VPS13A: variants seen among roughly 807,000 people sequenced by gnomAD.
VPS13A encodes intermembrane lipid transfer protein VPS13A.
In VPS13A, 264 loss-of-function variants were observed where a neutral mutation model predicts 390.9. The ratio of observed to expected loss-of-function variants is 0.68; its 90% confidence interval spans 0.61 to 0.75. VPS13A has a LOEUF of 0.75. Among genes scored for constraint, VPS13A ranks in the 30% least tolerant of loss-of-function variants. The pLI is 0.00. For missense variants in VPS13A, 3,409 were observed against 3,733.9 expected, an observed-to-expected ratio of 0.91 and a Z score of 2.27; for synonymous variants, 1,231 against 1,227.1, an observed-to-expected ratio of 1.00 and a Z score of -0.07.
Position 77,295,534 on chromosome 9 carries a change from T to C in VPS13A, c.3508-8T>C, listed in dbSNP as rs376751858. On this transcript the variant is annotated splice_polypyrimidine_tract_variant and splice_region_variant and intron_variant, in intron 32 of 71. Transcript: ENST00000360280. The stretch of plus-strand genomic sequence containing the variant: ...TAACCTTAAGAATATAATTCTGTTA[T>C]CTTACAGGCTTTTATAGATAATTTT... 97 of 1,594,692 alleles carry C rather than the reference T, an allele frequency of 6.1e-5. No homozygotes were observed. The African/African-American group carries it at 1.1e-3, about 19-fold the overall frequency.
At chr9:77,186,192 A>G (rs1229249363) in intron 1 of VPS13A, among the ~76,000 whole-genome samples, 1 of 152,210 alleles carries the variant, frequency 6.6e-6, no homozygotes, top group Non-Finnish European at 1.5e-5. Flanking sequence ...ACTCTATCTT[A>G]CAATACAGTA....
intron 23 of VPS13A, among the ~76,000 whole-genome samples, chr9:77,260,761 C>T (rs1288647561): frequency 6.6e-6 from 1 of 152,080 alleles, no homozygotes; most frequent in Admixed American, 6.5e-5. Flanking sequence ...CCTCCAATCC[C>T]TCTCCTGAGC....
Position 77,177,561 on chromosome 9 carries a change from G to A in VPS13A, c.-144G>A, listed in dbSNP as rs1371305289. ...CTCCGTCTCTCGCTGGGCTCGCTAGGGCTGCGCGTTGGGCCAGCGGGGGCG... is the reference window on the plus strand; with the variant it reads ...CTCCGTCTCTCGCTGGGCTCGCTAGAGCTGCGCGTTGGGCCAGCGGGGGCG... On this transcript the variant is annotated 5_prime_UTR_variant, in exon 1 of 72. Coordinates refer to ENST00000360280, the MANE Select transcript of VPS13A (RefSeq NM_033305.3). The A allele has an allele frequency of 2.7e-6, 2 of 732,472 alleles. No homozygotes were observed. Among genetic ancestry groups the A allele is most frequent in the Non-Finnish European group, 4.7e-6 (2 of 421,998 alleles). The allele number at this position is 732,472 out of a possible 1,614,324, so 45.4% of individuals were successfully genotyped here. A position where few individuals can be genotyped will look rare whatever the true frequency, so the allele number is the denominator to read the frequency against.
intron 68 of VPS13A, among the ~76,000 whole-genome samples, chr9:77,399,884 AT>A (rs1282773457): frequency 2.0e-5 from 3 of 152,158 alleles, no homozygotes; most frequent in Non-Finnish European, 4.4e-5. Context: ...ACATGTATGC[AT>A]TTCTACTTTT....
intron 50 of VPS13A, among the ~76,000 whole-genome samples, chr9:77,342,697 T>C (rs1254504771): frequency 2.0e-5 from 3 of 152,184 alleles, no homozygotes; most frequent in African/African-American, 7.2e-5. Flanking sequence ...CCCCAAGATA[T>C]CTCATCATAT....
At chr9:77,270,875 T>C (rs1826315559) in intron 23 of VPS13A, among the ~76,000 whole-genome samples, 1 of 152,184 alleles carries the variant, frequency 6.6e-6, no homozygotes, top group Non-Finnish European at 1.5e-5. Context: ...ACTTGAAGCA[T>C]AGACCTAAAT....
rs554283579 is a variant in VPS13A at position 77,318,293 on chromosome 9, A to C, written c.5015A>C (p.Lys1672Thr). ...ITITSALYTT[K>T]ETIPEETASS... ...ATAACTTCAGCACTGTATACAACTAAGGAAACCATCCCAGAAGAAACGGCT... is the reference window on the plus strand; with the variant it reads ...ATAACTTCAGCACTGTATACAACTACGGAAACCATCCCAGAAGAAACGGCT... Residue 1672 changes from lysine (K) to threonine (T), a missense_variant, in exon 41 of 72, where the codon AAG becomes ACG. Around this residue, in one of 5 missense-constraint regions of VPS13A, gnomAD observed 2,717 missense variants for 2,917.4 expected, o/e 0.93. Coordinates refer to ENST00000360280, the MANE Select transcript of VPS13A (RefSeq NM_033305.3). The C allele has an allele frequency of 1.9e-6, 3 of 1,609,700 alleles. No individual in the cohort carries two copies. Among genetic ancestry groups the C allele is most frequent in the South Asian group, 2.2e-5 (2 of 90,038 alleles).
chr9:77,296,822 G>A (rs1172189771), intron 33 of VPS13A, among the ~76,000 whole-genome samples: 1 of 152,050 alleles, frequency 6.6e-6, no homozygotes, highest in Admixed American at 6.6e-5. Context: ...TTAAATGATA[G>A]TTTTCATTTC....
In VPS13A at chr9:77,353,731, C is replaced by G. The variant is rs73449947; in HGVS notation, c.7652+90C>G. 2,092 of 1,272,094 alleles carry G rather than the reference C, an allele frequency of 1.6e-3. 27 individuals carry two copies. The African/African-American group carries it at 0.027, about 16-fold the overall frequency. 78.8% of individuals were successfully genotyped at this position (1,272,094 alleles called of 1,614,324 possible). A position where few individuals can be genotyped will look rare whatever the true frequency, so the allele number is the denominator to read the frequency against. On this transcript the variant is annotated intron_variant, in intron 54 of 71. Coordinates refer to ENST00000360280, the MANE Select transcript of VPS13A (RefSeq NM_033305.3). ...TGTAAAATCTCAAATGATTTAGTTT[C>G]AGTTTTGTGCTTTGACTATTCATTG... is the stretch of plus-strand genomic sequence containing the variant.
At chr9:77,292,757 T>C (rs537087622) in intron 31 of VPS13A, among the ~76,000 whole-genome samples, 1 of 152,258 alleles carries the variant, frequency 6.6e-6, no homozygotes, top group African/African-American at 2.4e-5. Context: ...ATTTTACATC[T>C]CCTGTTGTCG....
chr9:77,216,896 A>T (rs1183968010), intron 10 of VPS13A, among the ~76,000 whole-genome samples: 1 of 152,166 alleles, frequency 6.6e-6, no homozygotes, highest in Non-Finnish European at 1.5e-5. Context: ...CTCAGAGGCT[A>T]AGCCACTCTG....
intron 58 of VPS13A, among the ~76,000 whole-genome samples, chr9:77,360,164 T>C (rs1832059847): frequency 6.6e-6 from 1 of 152,182 alleles, no homozygotes; most frequent in African/African-American, 2.4e-5. Context: ...TTAATTTTTT[T>C]CTAATTTTTA....
At chr9:77,372,617 G>T (rs1832840422) in intron 67 of VPS13A, among the ~76,000 whole-genome samples, 1 of 152,144 alleles carries the variant, frequency 6.6e-6, no homozygotes, top group African/African-American at 2.4e-5. Flanking sequence ...TCAACATAGT[G>T]TCGGAAGTTC....
At chr9:77,358,803 A>G (rs983374324) in intron 57 of VPS13A, among the ~76,000 whole-genome samples, 9 of 152,164 alleles carry the variant, frequency 5.9e-5, no homozygotes, top group Admixed American at 1.3e-4. Flanking sequence ...TCCAAATAAG[A>G]ATAACGGACA....
chr9:77,365,926 AAGTT>A (rs1354551234), intron 60 of VPS13A, among the ~76,000 whole-genome samples: 2 of 152,132 alleles, frequency 1.3e-5, no homozygotes, highest in African/African-American at 2.4e-5. Context: ...TATCAAATCT[AAGTT>A]AGTTTTTAGT....
Position 77,403,461 on chromosome 9 carries a change from C to G in VPS13A, c.9275+140C>G, listed in dbSNP as rs1167716337. On this transcript the variant is annotated intron_variant, in intron 69 of 71. Transcript: ENST00000360280. ...CTTCTTGCTCCACAAGCCTAACTCGCTAAACATTACATAAATTTCCTGCAT... is the reference window on the plus strand; with the variant it reads ...CTTCTTGCTCCACAAGCCTAACTCGGTAAACATTACATAAATTTCCTGCAT... 2.2e-5 allele frequency: 16 copies of G among 719,212 alleles called. 1 individual carries two copies. Among genetic ancestry groups the G allele is most frequent in the Non-Finnish European group, 3.9e-5 (16 of 408,114 alleles). The allele number at this position is 719,212 out of a possible 1,614,324, so 44.6% of individuals were successfully genotyped here.
At chr9:77,357,952 CT>C (rs5898534) in intron 56 of VPS13A, 114 bp downstream of exon 56, 41,758 of 342,648 alleles carry the variant, frequency 0.12, 4 homozygotes, top group Middle Eastern at 0.15. Context: ...TTGTGCTAGC[CT>C]TTTTTTTTTT....
chr9:77,362,797 TTTG>T (rs1832213719), intron 59 of VPS13A, among the ~76,000 whole-genome samples: 1 of 152,198 alleles, frequency 6.6e-6, no homozygotes, highest in Admixed American at 6.5e-5. Flanking sequence ...TTAACAATGT[TTTG>T]TTGTTTTTCA....
Position 77,281,929 on chromosome 9 carries a change from A to G in VPS13A, c.2964+3A>G. 2 of 1,539,218 alleles carry G rather than the reference A, an allele frequency of 1.3e-6. No homozygotes were observed. Among genetic ancestry groups the G allele is most frequent in the Middle Eastern group, 1.7e-4 (1 of 5,850 alleles). On this transcript the variant is annotated splice_donor_region_variant and intron_variant, in intron 28 of 71. Transcript: ENST00000360280. ...ACAATGTTTTACAATTGATTAAGGTATGAGTAGATAATTTATTTTTTAATT... is the reference window on the plus strand; with the variant it reads ...ACAATGTTTTACAATTGATTAAGGTGTGAGTAGATAATTTATTTTTTAATT...
Sources: gnomAD v4.1 joint callset for allele counts (sites outside exome capture counted in the v4.1 genomes callset) on GRCh38, gnomAD v4.1.1 for gene constraint, gnomAD v4.1.1 regional missense constraint, MANE v1.5 for transcripts, NCBI Gene and HGNC (gene_info 2026-07-23, HGNC 2026-07-21) for gene names.